NRG1: variants seen among roughly 807,000 people sequenced by gnomAD.
The protein encoded by NRG1 is pro-neuregulin-1, membrane-bound isoform.
Under a neutral mutation model 63.8 loss-of-function variants are expected in NRG1, and 18 were observed. The ratio of observed to expected loss-of-function variants is 0.28; its 90% confidence interval spans 0.19 to 0.42. The LOEUF is 0.42. Ranked by LOEUF, NRG1 falls within the 10% of genes least tolerant of loss-of-function variation. The pLI, the probability that NRG1 is intolerant of heterozygous loss-of-function variation, is 1.00. For synonymous variants in NRG1, 302 were observed against 301.3 expected (o/e 1.00, Z -0.02); for missense variants, 762 against 814.7 (o/e 0.94, Z 0.79).
chr8:31,855,922 A>C (rs1447838962), intron 1 of NRG1, among the ~76,000 whole-genome samples: 1 of 151,812 alleles, frequency 6.6e-6, no homozygotes, highest in Non-Finnish European at 1.5e-5. Flanking sequence ...CTTTTCTTTA[A>C]GAATGTTGAA....
At chr8:31,694,331 T>TA (rs1295879239) in intron 1 of NRG1, among the ~76,000 whole-genome samples, 5 of 152,374 alleles carry the variant, frequency 3.3e-5, no homozygotes, top group African/African-American at 1.2e-4. Flanking sequence ...TTTATGACTT[T>TA]GATCTCAGCC....
At chr8:32,580,254 G>T (rs77617337) in intron 1 of NRG1, among the ~76,000 whole-genome samples, 6 of 152,140 alleles carry the variant, frequency 3.9e-5, no homozygotes, top group Admixed American at 3.9e-4. Context: ...CCCTTTTGCT[G>T]TGTAAGGTAA....
intron 11 of NRG1, chr8:32,763,136 T>C: frequency 1.4e-6 from 2 of 1,415,100 alleles, no homozygotes; most frequent in Non-Finnish European, 2.0e-6. Flanking sequence ...TTGCATTTCA[T>C]GGAAAAAATG....
chr8:31,904,659 A>C (rs530017819), intron 1 of NRG1, among the ~76,000 whole-genome samples: 10 of 152,336 alleles, frequency 6.6e-5, no homozygotes, highest in African/African-American at 2.2e-4. Flanking sequence ...GGATAAAGGA[A>C]ATGCGGTACA....
intron 1 of NRG1, among the ~76,000 whole-genome samples, chr8:32,126,474 G>A (rs992523251): frequency 1.3e-5 from 2 of 151,784 alleles, no homozygotes; most frequent in Non-Finnish European, 2.9e-5. Context: ...GAGTACCAAG[G>A]GATCATTCAT....
intron 1 of NRG1, among the ~76,000 whole-genome samples, chr8:32,175,157 G>A (rs1048946234): frequency 2.0e-5 from 3 of 152,124 alleles, no homozygotes; most frequent in African/African-American, 2.4e-5. Context: ...TTCATCCCTG[G>A]GATGCCAGGC....
chr8:32,597,816 C>A (rs549899561), intron 2 of NRG1, among the ~76,000 whole-genome samples: 2 of 152,168 alleles, frequency 1.3e-5, no homozygotes, highest in South Asian at 4.1e-4. Context: ...TGAAATAGGT[C>A]TGACTCTAAG....
At chr8:32,342,764 C>A (rs771283684) in intron 1 of NRG1, among the ~76,000 whole-genome samples, 23 of 152,094 alleles carry the variant, frequency 1.5e-4, no homozygotes, top group Non-Finnish European at 2.6e-4. Flanking sequence ...TTTGTCTTTT[C>A]TAAAAAATAA....
intron 1 of NRG1, among the ~76,000 whole-genome samples, chr8:32,078,497 G>C (rs997051643): frequency 3.9e-5 from 6 of 152,150 alleles, no homozygotes; most frequent in African/African-American, 1.4e-4. Context: ...GCAAATACCG[G>C]AGCAACAGAT....
intron 11 of NRG1, among the ~76,000 whole-genome samples, chr8:32,762,764 G>A (rs896977443): frequency 6.6e-6 from 1 of 152,178 alleles, no homozygotes; most frequent in Admixed American, 6.5e-5. Flanking sequence ...ATCAAAAGCT[G>A]AGAAATGTGA....
At chr8:32,057,166 T>C (rs1823083940) in intron 1 of NRG1, among the ~76,000 whole-genome samples, 1 of 152,204 alleles carries the variant, frequency 6.6e-6, no homozygotes, top group Admixed American at 6.5e-5. Context: ...TTTCTTTTTC[T>C]AATCCAATAT....
intron 1 of NRG1, among the ~76,000 whole-genome samples, chr8:31,689,216 C>T (rs192940245): frequency 1.3e-5 from 2 of 152,210 alleles, no homozygotes; most frequent in East Asian, 3.9e-4. Context: ...TGCCATGTAA[C>T]ATAACACATT....
At position 31,640,530 on chromosome 8, in the gene NRG1, C is replaced by A. The variant is rs959488154; in HGVS notation, c.37+1099C>A. ...GCTTGAAGAAGGACTCGCTGCTCACCGTGCGCCTGGGGACCTGGGGCCACC... is the reference window on the plus strand; with the variant it reads ...GCTTGAAGAAGGACTCGCTGCTCACAGTGCGCCTGGGGACCTGGGGCCACC... On this transcript the variant is annotated intron_variant, in intron 1 of 10. Transcript: ENST00000519301. The surrounding 1 kb of genome is among the most constrained non-coding windows in gnomAD (Gnocchi z 6.3). The A allele has an allele frequency of 6.2e-7, 1 of 1,611,714 alleles. No homozygotes were observed. Among genetic ancestry groups the A allele is most frequent in the Non-Finnish European group, 8.5e-7 (1 of 1,179,422 alleles).
At chr8:32,221,706 T>C (rs1339179933) in intron 1 of NRG1, among the ~76,000 whole-genome samples, 1 of 152,168 alleles carries the variant, frequency 6.6e-6, no homozygotes, top group African/African-American at 2.4e-5. Flanking sequence ...GTACTGATTA[T>C]GGGACATTTT....
At chr8:31,955,247 C>CCA (rs1221217445) in intron 1 of NRG1, among the ~76,000 whole-genome samples, 9 of 152,026 alleles carry the variant, frequency 5.9e-5, no homozygotes, top group African/African-American at 2.2e-4. Context: ...CTAAGCAAAT[C>CCA]CACAATAAAA....
At chr8:32,629,314 C>T (rs1024412627) in intron 5 of NRG1, among the ~76,000 whole-genome samples, 4 of 152,256 alleles carry the variant, frequency 2.6e-5, no homozygotes, top group African/African-American at 2.4e-5. Context: ...CTTGCCACTT[C>T]TTATCCATAG....
chr8:31,760,787 A>G lies in NRG1; in HGVS notation c.37+121356A>G, dbSNP rs867192511. 4.0e-3 allele frequency among the ~76,000 whole-genome samples: 602 copies of G among 152,316 alleles called. 7 individuals are homozygous for G. Among genetic ancestry groups the G allele is most frequent in the African/African-American group, 0.014 (588 of 41,576 alleles). ...ACACCAGTTAGAATGGCAATCATTA[A>G]AAAGTCAGGAAAGAACAGGTGCTGG... On this transcript the variant is annotated intron_variant, in intron 1 of 10. Transcript: ENST00000519301.
At chr8:31,870,152 A>G (rs978482375) in intron 1 of NRG1, among the ~76,000 whole-genome samples, 1 of 152,148 alleles carries the variant, frequency 6.6e-6, no homozygotes, top group Admixed American at 6.6e-5. Flanking sequence ...CTTAGTTTCA[A>G]TGGGAAACTT....
chr8:32,136,658 G>T (rs531312529), intron 1 of NRG1: 35 of 152,274 alleles, frequency 2.3e-4, no homozygotes, highest in African/African-American at 7.9e-4. Context: ...ATGATCATAT[G>T]TCTTCTTTCT....
Sources: gnomAD v4.1 joint callset for allele counts (sites outside exome capture counted in the v4.1 genomes callset) on GRCh38, gnomAD v4.1.1 for gene constraint, Gnocchi (gnomAD v3.1) non-coding constraint, MANE v1.5 for transcripts, NCBI Gene and HGNC (gene_info 2026-07-23, HGNC 2026-07-21) for gene names.